MTHFSD: variants seen among roughly 807,000 people sequenced by gnomAD.
MTHFSD encodes methenyltetrahydrofolate synthase domain-containing protein.
A neutral mutation model predicts 31.1 loss-of-function variants in MTHFSD; 37 were observed. That is an observed-to-expected ratio of 1.19 (90% confidence interval 0.91 to 1.56). The LOEUF is 1.56. MTHFSD is among the 40% of genes most tolerant of loss of function. The probability of loss-of-function intolerance (pLI) is 0.00; values close to 1 mark genes in which losing one functional copy is unlikely to be tolerated. For missense variants in MTHFSD, 664 were observed against 510.1 expected, an observed-to-expected ratio of 1.30 and a Z score of -2.91; for synonymous variants, 221 against 206.9, an observed-to-expected ratio of 1.07 and a Z score of -0.59.
chr16:86,541,607 T>A, intron 7 of MTHFSD, 90 bp downstream of exon 7: 1 of 1,525,568 alleles, frequency 6.6e-7, no homozygotes, highest in South Asian at 1.2e-5. Flanking sequence ...CATGCTGGGA[T>A]TGCCAACAGC....
At chr16:86,533,277 C>G (rs1161211434) in intron 7 of MTHFSD, 1 of 152,254 alleles carries the variant, frequency 6.6e-6, no homozygotes, top group Non-Finnish European at 1.5e-5. Flanking sequence ...GGCCTGATGG[C>G]TCTGTCCTGT....
intron 7 of MTHFSD, among the ~76,000 whole-genome samples, chr16:86,538,040 A>G (rs1156410265): frequency 6.6e-6 from 1 of 152,236 alleles, no homozygotes; most frequent in Non-Finnish European, 1.5e-5. Context: ...GCAAAGGCCA[A>G]AAGGCCCTCT....
At chr16:86,541,565 C>CA (rs1971517497) in intron 7 of MTHFSD, 132 bp downstream of exon 7, 1 of 1,315,728 alleles carries the variant, frequency 7.6e-7, no homozygotes, top group Admixed American at 2.2e-5. Flanking sequence ...CCAAATTGCT[C>CA]AAAAGCTCCT....
intron 7 of MTHFSD, among the ~76,000 whole-genome samples, chr16:86,539,865 T>C (rs922174272): frequency 1.8e-4 from 27 of 152,108 alleles, no homozygotes; most frequent in Admixed American, 1.8e-3. Context: ...AAGAGATCTA[T>C]AATGCATCCC....
intron 7 of MTHFSD, among the ~76,000 whole-genome samples, chr16:86,539,854 C>G (rs1424555151): frequency 1.3e-5 from 2 of 152,126 alleles, no homozygotes; most frequent in Non-Finnish European, 2.9e-5. Context: ...CATCCTTCAT[C>G]AAGAGATCTA....
chr16:86,532,066 C>T lies in MTHFSD; in HGVS notation c.1097G>A (p.Arg366His), dbSNP rs372334535. 1.6e-5 allele frequency: 24 copies of T among 1,521,470 alleles called. No homozygotes were observed. The highest frequency in any genetic ancestry group is 2.8e-5 in the African/African-American group (2 of 71,954). 94.2% of individuals were successfully genotyped at this position (1,521,470 alleles called of 1,614,324 possible). The change falls in exon 8 of 8, where the codon CGC (arginine) becomes CAC (histidine). Residue 366 changes from arginine (R) to histidine (H), a missense_variant. Transcript: ENST00000360900. ...QQAVSCLQGL[R>H]LGTDTLRVAL... ...CACCCTCAGGGTGTCGGTGCCCAGGCGCAGGCCCTGCAAGCAGGAGACGGC... is the reference window on the plus strand; with the variant it reads ...CACCCTCAGGGTGTCGGTGCCCAGGTGCAGGCCCTGCAAGCAGGAGACGGC...
intron 4 of MTHFSD, 61 bp downstream of exon 4, chr16:86,548,403 G>A (rs1315136222): frequency 1.4e-5 from 19 of 1,318,876 alleles, no homozygotes; most frequent in Middle Eastern, 1.8e-4. Flanking sequence ...ATGCTAAGTC[G>A]TCAGAAGCCT....
At chr16:86,549,397 G>A (rs1258353905) in intron 3 of MTHFSD, among the ~76,000 whole-genome samples, 1 of 152,250 alleles carries the variant, frequency 6.6e-6, no homozygotes. Flanking sequence ...TTGAGCAGGA[G>A]ATGACAACCC....
chr16:86,539,609 T>G (rs564452398), intron 7 of MTHFSD, among the ~76,000 whole-genome samples: 2 of 152,206 alleles, frequency 1.3e-5, no homozygotes, highest in Non-Finnish European at 2.9e-5. Flanking sequence ...CCTGGTTTCC[T>G]TTCTTTAAAA....
chr16:86,545,614 A>T (rs149262081), intron 5 of MTHFSD, among the ~76,000 whole-genome samples: 1 of 152,202 alleles, frequency 6.6e-6, no homozygotes, highest in Non-Finnish European at 1.5e-5. Flanking sequence ...GCCAGCCCTG[A>T]GGCCGCTACT....
At chr16:86,553,966 G>C (rs999517580) in intron 2 of MTHFSD, among the ~76,000 whole-genome samples, 4 of 152,296 alleles carry the variant, frequency 2.6e-5, no homozygotes, top group Non-Finnish European at 4.4e-5. Context: ...GAGAACTTTT[G>C]TGTCTAGCTC....
intron 7 of MTHFSD, among the ~76,000 whole-genome samples, chr16:86,537,191 T>C (rs1365844157): frequency 1.3e-5 from 2 of 152,202 alleles, no homozygotes; most frequent in East Asian, 1.9e-4. Context: ...GGGAAGAAGG[T>C]AGAAACGTTT....
chr16:86,541,162 A>G (rs755376416), intron 7 of MTHFSD: 1 of 1,289,354 alleles, frequency 7.8e-7, no homozygotes. Context: ...TCAAACTCCT[A>G]CTGCAGACTA....
intron 4 of MTHFSD, among the ~76,000 whole-genome samples, 163 bp downstream of exon 4, chr16:86,548,301 T>A (rs1567550342): frequency 6.6e-6 from 1 of 152,260 alleles, no homozygotes; most frequent in Non-Finnish European, 1.5e-5. Context: ...TTTTCCCACG[T>A]GGCTCCATTA....
chr16:86,541,663 C>T (rs1348070824), intron 7 of MTHFSD, 34 bp downstream of exon 7: 2 of 1,603,544 alleles, frequency 1.2e-6, no homozygotes, highest in South Asian at 1.1e-5. Flanking sequence ...AGCCGCTAAG[C>T]TACAGGCCAG....
intron 7 of MTHFSD, chr16:86,535,578 TA>T (rs1352278242): frequency 1.1e-6 from 1 of 902,616 alleles, no homozygotes; most frequent in Non-Finnish European, 1.3e-6. Flanking sequence ...TTTGCCTTTT[TA>T]TAACTAATTC....
At chr16:86,550,054 T>C (rs1056311875) in intron 3 of MTHFSD, among the ~76,000 whole-genome samples, 1 of 152,036 alleles carries the variant, frequency 6.6e-6, no homozygotes, top group Non-Finnish European at 1.5e-5. Context: ...CCCCCAGCAC[T>C]GCGGACTGTC....
At chr16:86,541,574 C>G in intron 7 of MTHFSD, 123 bp downstream of exon 7, 1 of 1,383,592 alleles carries the variant, frequency 7.2e-7, no homozygotes, top group Non-Finnish European at 9.9e-7. Flanking sequence ...TCAAAAGCTC[C>G]TTGGGTGATT....
intron 2 of MTHFSD, among the ~76,000 whole-genome samples, chr16:86,552,980 C>A (rs898411109): frequency 1.3e-5 from 2 of 152,068 alleles, no homozygotes; most frequent in Non-Finnish European, 2.9e-5. Context: ...TTGCCTCTTC[C>A]GAGTAACCTT....
Sources: allele counts gnomAD v4.1 joint callset (sites outside exome capture counted in the v4.1 genomes callset), GRCh38; gene constraint gnomAD v4.1.1; transcripts MANE v1.5; gene names NCBI Gene and HGNC (gene_info 2026-07-23, HGNC 2026-07-21).